NOTO: variants seen among roughly 807,000 people sequenced by gnomAD.
The protein encoded by NOTO is homeobox protein notochord.
A neutral mutation model predicts 20.5 loss-of-function variants in NOTO; 19 were observed. The observed-to-expected ratio is 0.93, with a 90% CI of 0.65 to 1.36. The LOEUF is 1.36. Among genes scored for constraint, NOTO ranks in the 40% most tolerant of loss-of-function variants. NOTO has a pLI of 0.00. For synonymous variants in NOTO, 150 were observed against 150.2 expected, an observed-to-expected ratio of 1.00 and a Z score of 0.01; for missense variants, 369 against 336.2, an observed-to-expected ratio of 1.10 and a Z score of -0.76.
intron 1 of NOTO, among the ~76,000 whole-genome samples, chr2:73,205,644 CT>C (rs934583842): frequency 9.4e-5 from 14 of 148,650 alleles, no homozygotes; most frequent in African/African-American, 1.7e-4. Context: ...TTTACAAATC[CT>C]TTTTTTTTTC....
At chr2:73,203,403 G>T (rs980480661) in intron 1 of NOTO, among the ~76,000 whole-genome samples, 5 of 152,100 alleles carry the variant, frequency 3.3e-5, no homozygotes, top group African/African-American at 1.2e-4. Flanking sequence ...CACACCCCGG[G>T]GTAGCGCTTA....
rs1401226680 is a variant in NOTO, at chr2:73,202,974, T to C, written c.308T>C (p.Leu103Pro). 1.3e-6 allele frequency: 2 copies of C among 1,505,300 alleles called. No individual in the cohort carries two copies. Among genetic ancestry groups the C allele is most frequent in the Non-Finnish European group, 1.8e-6 (2 of 1,130,556 alleles). 93.2% of individuals were successfully genotyped at this position (1,505,300 alleles called of 1,614,324 possible). The part of the protein sequence containing the change: ...ACPTSWLPAY[L>P]SVGFYPVPGP... Reference sequence around the variant, plus strand: ...CCGACATCGTGGCTGCCCGCCTACCTGAGCGTAGGTTTTTACCCTGTGCCA... The same window carrying C: ...CCGACATCGTGGCTGCCCGCCTACCCGAGCGTAGGTTTTTACCCTGTGCCA... The change falls in exon 1 of 3, where the codon CTG becomes CCG. Residue 103 changes from leucine to proline, a missense_variant. Coordinates refer to ENST00000398468, the MANE Select transcript of NOTO (RefSeq NM_001134462.2).
At position 73,208,444 on chromosome 2, in the gene NOTO, T is replaced by C. The variant is rs756427855; in HGVS notation, c.427T>C (p.Trp143Arg). ...HCSGLWAFPD[W>R]APTEDLQDTE... is the part of the protein sequence containing the mutation. The stretch of plus-strand genomic sequence containing the variant: ...CTCAGGACTCTGGGCCTTCCCAGAC[T>C]GGGCCCCAACGGAGGACCTACAGGA... The change falls in exon 2 of 3, where the codon TGG becomes CGG. Residue 143 changes from tryptophan (W) to arginine (R), a missense_variant. Physicochemically the swap from Trp to Arg is moderately radical, Grantham distance 101. Coordinates refer to ENST00000398468, the MANE Select transcript of NOTO (RefSeq NM_001134462.2). The C allele has an allele frequency of 3.7e-5, 58 of 1,551,584 alleles. 2 individuals carry two copies. The South Asian group carries it at 6.4e-4, about 17-fold the overall frequency.
intron 1 of NOTO, among the ~76,000 whole-genome samples, chr2:73,204,155 G>C (rs1380051834): frequency 6.7e-6 from 1 of 149,052 alleles, no homozygotes; most frequent in Non-Finnish European, 1.5e-5. Flanking sequence ...GCGCGCGCTT[G>C]TAATCCCAGC....
intron 1 of NOTO, among the ~76,000 whole-genome samples, chr2:73,204,887 A>ATT (rs56302001): frequency 9.5e-6 from 1 of 104,832 alleles, no homozygotes; most frequent in Non-Finnish European, 1.8e-5. Flanking sequence ...TTATTTTTTT[A>ATT]TTTTTTTTTT....
At chr2:73,207,234 C>T (rs1040161886) in intron 1 of NOTO, among the ~76,000 whole-genome samples, 1 of 152,156 alleles carries the variant, frequency 6.6e-6, no homozygotes, top group Non-Finnish European at 1.5e-5. Flanking sequence ...TCTACCTTGG[C>T]AGGCACAGTG....
At chr2:73,210,627 T>G in intron 2 of NOTO, 144 bp from the exon 3 acceptor site, 1 of 635,050 alleles carries the variant, frequency 1.6e-6, no homozygotes, top group African/African-American at 1.8e-5. Flanking sequence ...TCTGGAATTG[T>G]AGAAAGGGGT....
Position 73,208,624 on chromosome 2 carries a change from G to C in NOTO, c.597+10G>C. 6.5e-7 allele frequency: 1 copy of C among 1,529,980 alleles called. No homozygotes were observed. The highest frequency in any genetic ancestry group is 8.9e-7 in the Non-Finnish European group (1 of 1,128,034). 94.8% of individuals were successfully genotyped at this position (1,529,980 alleles called of 1,614,324 possible). A position where few individuals can be genotyped will look rare whatever the true frequency, so the allele number is the denominator to read the frequency against. ...ACTTACAGAGAACCAGGTGGGAGTA[G>C]GGACTCCTATTGGGCCTGGGCTGCA... On this transcript the variant is annotated intron_variant, in intron 2 of 2. Transcript: ENST00000398468.
intron 1 of NOTO, among the ~76,000 whole-genome samples, chr2:73,204,354 CT>C (rs1686057082): frequency 6.6e-6 from 1 of 152,176 alleles, no homozygotes; most frequent in Non-Finnish European, 1.5e-5. Flanking sequence ...CCTACACGTG[CT>C]TTTGCCATTT....
intron 1 of NOTO, among the ~76,000 whole-genome samples, chr2:73,204,622 T>G (rs1686061565): frequency 6.6e-6 from 1 of 152,190 alleles, no homozygotes; most frequent in Admixed American, 6.6e-5. Flanking sequence ...TTCTCTGAGC[T>G]CTTCACACAC....
Position 73,210,977 on chromosome 2 carries a change from G to C in NOTO, c.*48G>C, listed in dbSNP as rs1181373077. ...CAGGCTGCCTGGACTAGTTCCTCCT[G>C]GGGGTACCCACTGGAGCTCCCTGCC... On this transcript the variant is annotated 3_prime_UTR_variant, in exon 3 of 3. Coordinates refer to ENST00000398468, the MANE Select transcript of NOTO (RefSeq NM_001134462.2). 3 of 1,486,808 alleles carry C rather than the reference G, an allele frequency of 2.0e-6. No homozygotes were observed. Among genetic ancestry groups the C allele is most frequent in the Non-Finnish European group, 2.7e-6 (3 of 1,103,278 alleles). The allele number at this position is 1,486,808 out of a possible 1,614,324, so 92.1% of individuals were successfully genotyped here.
chr2:73,202,780 G>T lies in NOTO; in HGVS notation c.114G>T (p.Thr38=). The part of the protein sequence containing the change: ...PAPRSPTGPN[T]PRAPGRFESP... ...CCAGGTCCCCTACTGGCCCGAACAC[G>T]CCCCGCGCTCCCGGACGCTTCGAGT... The change falls in exon 1 of 3, where the codon ACG becomes ACT. Residue 38 remains threonine (T), a synonymous_variant. Coordinates refer to ENST00000398468, the MANE Select transcript of NOTO (RefSeq NM_001134462.2). 1 of 1,523,260 alleles carries T rather than the reference G, an allele frequency of 6.6e-7. No homozygotes were observed. The highest frequency in any genetic ancestry group is 1.2e-5 in the South Asian group (1 of 83,000). The allele number at this position is 1,523,260 out of a possible 1,614,324, so 94.4% of individuals were successfully genotyped here. A position where few individuals can be genotyped will look rare whatever the true frequency, so the allele number is the denominator to read the frequency against.
Position 73,208,630 on chromosome 2 carries a change from C to A in NOTO, c.597+16C>A. On this transcript the variant is annotated intron_variant, in intron 2 of 2. Coordinates refer to ENST00000398468, the MANE Select transcript of NOTO (RefSeq NM_001134462.2). ...AGAGAACCAGGTGGGAGTAGGGACTCCTATTGGGCCTGGGCTGCACCTGGG... is the reference window on the plus strand; with the variant it reads ...AGAGAACCAGGTGGGAGTAGGGACTACTATTGGGCCTGGGCTGCACCTGGG... 1.3e-6 allele frequency: 2 copies of A among 1,506,940 alleles called. No individual in the cohort carries two copies. The highest frequency in any genetic ancestry group is 1.2e-5 in the South Asian group (1 of 83,064). 93.3% of individuals were successfully genotyped at this position (1,506,940 alleles called of 1,614,324 possible). A position where few individuals can be genotyped will look rare whatever the true frequency, so the allele number is the denominator to read the frequency against.
At chr2:73,207,956 T>G (rs1574335787) in intron 1 of NOTO, among the ~76,000 whole-genome samples, 1 of 152,232 alleles carries the variant, frequency 6.6e-6, no homozygotes, top group Non-Finnish European at 1.5e-5. Context: ...AGAGATTTTC[T>G]GTTTTGTCCT....
In NOTO at chr2:73,202,748, C is replaced by G. The variant is rs199642782; in HGVS notation, c.82C>G (p.Pro28Ala). Reference protein sequence around the residue: ...RVRPPRSGRSPAPRSPTGPNT... With the variant: ...RVRPPRSGRSAAPRSPTGPNT... ...CCGACCTCCGCGCTCTGGCCGCTCT[C>G]CGGCGCCCAGGTCCCCTACTGGCCC... Residue 28 changes from proline to alanine, a missense_variant, in exon 1 of 3, where the codon CCG becomes GCG. Pro to Ala is a conservative substitution (Grantham distance 27, BLOSUM62 -1). Transcript: ENST00000398468. The G allele has an allele frequency of 1.2e-3, 1,782 of 1,520,320 alleles. 9 individuals carry two copies. The highest frequency in any genetic ancestry group is 4.2e-3 in the South Asian group (345 of 83,082). 94.2% of individuals were successfully genotyped at this position (1,520,320 alleles called of 1,614,324 possible). A position where few individuals can be genotyped will look rare whatever the true frequency, so the allele number is the denominator to read the frequency against.
intron 2 of NOTO, 22 bp downstream of exon 2, chr2:73,208,636 G>C: frequency 6.7e-7 from 1 of 1,483,122 alleles, no homozygotes; most frequent in Non-Finnish European, 9.2e-7. Flanking sequence ...GACTCCTATT[G>C]GGCCTGGGCT....
In NOTO at chr2:73,202,580, C is replaced by A. The variant is rs1008627744; in HGVS notation, c.-87C>A. 1.5e-6 allele frequency: 2 copies of A among 1,299,070 alleles called. No individual in the cohort carries two copies. Among genetic ancestry groups the A allele is most frequent in the Non-Finnish European group, 2.0e-6 (2 of 998,476 alleles). The allele number at this position is 1,299,070 out of a possible 1,614,324, so 80.5% of individuals were successfully genotyped here. A position where few individuals can be genotyped will look rare whatever the true frequency, so the allele number is the denominator to read the frequency against. ...CGCCGAGCGCCAGGAGGTTCCCAGA[C>A]AACCGGTCTTGCTCGCTGCCTTTTG... On this transcript the variant is annotated 5_prime_UTR_variant, in exon 1 of 3. Transcript: ENST00000398468.
At chr2:73,203,448 C>G (rs982436309) in intron 1 of NOTO, among the ~76,000 whole-genome samples, 3 of 149,156 alleles carry the variant, frequency 2.0e-5, no homozygotes, top group Admixed American at 2.0e-4. Context: ...GCTCTCGACC[C>G]GAACCAATGG....
At chr2:73,204,055 C>CGA (rs1014772232) in intron 1 of NOTO, among the ~76,000 whole-genome samples, 1 of 84,160 alleles carries the variant, frequency 1.2e-5, no homozygotes, top group Non-Finnish European at 2.3e-5. Context: ...GTCGAGATCG[C>CGA]GCCACTGCAC....
Sources: gnomAD v4.1 joint callset for allele counts (sites outside exome capture counted in the v4.1 genomes callset) on GRCh38, gnomAD v4.1.1 for gene constraint, MANE v1.5 for transcripts, NCBI Gene and HGNC (gene_info 2026-07-23, HGNC 2026-07-21) for gene names.